Variants in RUNX3 observed in about 807,000 individuals in gnomAD.
RUNX3 encodes the protein RUNX family transcription factor 3, also known as runt-related transcription factor 3.
A neutral mutation model predicts 27.7 loss-of-function variants in RUNX3; 10 were observed. The ratio of observed to expected loss-of-function variants is 0.36; its 90% confidence interval spans 0.22 to 0.61. The LOEUF (loss-of-function observed/expected upper bound fraction) is 0.61. Among genes scored for constraint, RUNX3 ranks in the 20% least tolerant of loss-of-function variants. The pLI, the probability that RUNX3 is intolerant of heterozygous loss-of-function variation, is 0.72. For missense variants in RUNX3, 469 were observed against 629.5 expected, an observed-to-expected ratio of 0.75 and a Z score of 2.73; for synonymous variants, 270 against 269.2, an observed-to-expected ratio of 1.00 and a Z score of -0.03.
At chr1:24,925,159 T>C (rs1479958514) in intron 2 of RUNX3, among the ~76,000 whole-genome samples, 5 of 152,214 alleles carry the variant, frequency 3.3e-5, no homozygotes, top group African/African-American at 1.2e-4. Context: ...AGATTGTCAC[T>C]GTCAACCACT....
chr1:24,941,548 A>C (rs1207718116), intron 2 of RUNX3, among the ~76,000 whole-genome samples: 1 of 152,230 alleles, frequency 6.6e-6, no homozygotes, highest in African/African-American at 2.4e-5. Context: ...ACCCTAGGTG[A>C]GTATCAGAGC....
chr1:24,936,478 G>C lies in RUNX3; in HGVS notation c.59-6626C>G, dbSNP rs902770934. ...GAATTAGAATCCTGGCAGAAGAACT[G>C]TGGGCAGGATTCGGAATTTTACAAT... On this transcript the variant is annotated intron_variant, in intron 2 of 6. Transcript: ENST00000338888. Among the ~76,000 whole-genome samples the C allele has an allele frequency of 6.0e-4, 92 of 152,320 alleles. 2 individuals are homozygous for C. Among genetic ancestry groups the C allele is most frequent in the Non-Finnish European group, 4.4e-5 (3 of 68,034 alleles).
Position 24,902,988 on chromosome 1 carries a change from T to G in RUNX3, c.704-322A>C, listed in dbSNP as rs1640592836. Reference sequence around the variant, plus strand: ...AGCCTCGCAGAGGAGAGGCCTAGGATGCGGTGGTGGGGCTGAGGGCAGAGT... The same window carrying G: ...AGCCTCGCAGAGGAGAGGCCTAGGAGGCGGTGGTGGGGCTGAGGGCAGAGT... On this transcript the variant is annotated intron_variant, in intron 4 of 4. Coordinates refer to ENST00000308873, the MANE Select transcript of RUNX3 (RefSeq NM_004350.3). This position sits in a 1 kb window ranked among gnomAD's most constrained non-coding sequence, Gnocchi z 9.2. Among the ~76,000 whole-genome samples, 1 of 152,142 alleles carries G rather than the reference T, an allele frequency of 6.6e-6. No individual in the cohort carries two copies. Among genetic ancestry groups the G allele is most frequent in the Non-Finnish European group, 1.5e-5 (1 of 68,002 alleles).
At chr1:24,946,737 G>A (rs1022964624) in intron 2 of RUNX3, among the ~76,000 whole-genome samples, 1 of 152,062 alleles carries the variant, frequency 6.6e-6, no homozygotes, top group Non-Finnish European at 1.5e-5. Flanking sequence ...TATAGACACT[G>A]AGAGGCTCCG....
At position 24,942,911 on chromosome 1, in the gene RUNX3, AG is replaced by A. The variant is rs1245543838; in HGVS notation, c.59-13060del. On this transcript the variant is annotated intron_variant, in intron 2 of 6. Coordinates refer to the RUNX3 transcript ENST00000338888. Reference sequence around the variant, plus strand: ...GTTATTCAACCACCCCAGTCCAGGCAGGCTGCAGCCACTGTGGAGCCAGCCC... The same window carrying A: ...GTTATTCAACCACCCCAGTCCAGGCAGCTGCAGCCACTGTGGAGCCAGCCC... Among the ~76,000 whole-genome samples the A allele has an allele frequency of 2.6e-5, 4 of 152,360 alleles. No individual in the cohort carries two copies. The East Asian group carries it at 7.7e-4, about 29-fold the overall frequency.
At chr1:24,909,915 A>G (rs1211537254) in intron 3 of RUNX3, among the ~76,000 whole-genome samples, 2 of 152,228 alleles carry the variant, frequency 1.3e-5, no homozygotes, top group African/African-American at 2.4e-5. Flanking sequence ...GAGAACTGCA[A>G]CTGCGGAGAG....
At chr1:24,917,146 G>A (rs998712356) in intron 3 of RUNX3, among the ~76,000 whole-genome samples, 12 of 152,266 alleles carry the variant, frequency 7.9e-5, no homozygotes, top group Middle Eastern at 3.4e-3. Flanking sequence ...CCCACCAAGC[G>A]TCAAGACCCC....
chr1:24,931,825 G>T (rs540296236), upstream of RUNX3, among the ~76,000 whole-genome samples: 274 of 152,322 alleles, frequency 1.8e-3, 2 homozygotes, highest in African/African-American at 6.5e-3. Context: ...CCCTCAGGCC[G>T]TGTCGAAAGG....
chr1:24,945,344 T>C (rs1641580203), intron 2 of RUNX3, among the ~76,000 whole-genome samples: 1 of 152,240 alleles, frequency 6.6e-6, no homozygotes, highest in Non-Finnish European at 1.5e-5. Flanking sequence ...AAATGTCTGT[T>C]GAATGAGTGA....
chr1:24,926,550 C>T (rs1017678440), intron 2 of RUNX3, among the ~76,000 whole-genome samples: 1 of 152,202 alleles, frequency 6.6e-6, no homozygotes. Flanking sequence ...TGTATGTATA[C>T]ATCGAACGGC....
chr1:24,964,658 T>C, exon 2 of RUNX3: 6 of 1,508,832 alleles, frequency 4.0e-6, no homozygotes, highest in Non-Finnish European at 4.5e-6. Flanking sequence ...TATTTTTTTT[T>C]CCTCTAGCTA....
chr1:24,926,100 C>T (rs1641094495), intron 2 of RUNX3, among the ~76,000 whole-genome samples: 1 of 152,170 alleles, frequency 6.6e-6, no homozygotes, highest in Admixed American at 6.5e-5. Context: ...CACCTTCTGC[C>T]CGCCTCGCAA....
At chr1:24,951,573 C>A (rs1641767402) in intron 2 of RUNX3, among the ~76,000 whole-genome samples, 3 of 152,208 alleles carry the variant, frequency 2.0e-5, no homozygotes, top group Non-Finnish European at 4.4e-5. Flanking sequence ...TCCCTTCACC[C>A]CTTGAGTCGC....
chr1:24,946,152 G>A (rs1641600545), intron 2 of RUNX3, among the ~76,000 whole-genome samples: 1 of 152,086 alleles, frequency 6.6e-6, no homozygotes, highest in Non-Finnish European at 1.5e-5. Context: ...TATAAAAGGG[G>A]AAGAACAATC....
chr1:24,930,312 G>T, upstream of RUNX3: 1 of 791,528 alleles, frequency 1.3e-6, no homozygotes. This position sits in a 1 kb window ranked among gnomAD's most constrained non-coding sequence, Gnocchi z 4.1. Flanking sequence ...TAGTACCCCC[G>T]GGGCCCGCGG....
At chr1:24,911,269 G>A (rs1640791035) in intron 3 of RUNX3, among the ~76,000 whole-genome samples, 1 of 152,238 alleles carries the variant, frequency 6.6e-6, no homozygotes, top group South Asian at 2.1e-4. Context: ...CAATAGGGCT[G>A]GTGCAAAACC....
intron 2 of RUNX3, among the ~76,000 whole-genome samples, chr1:24,937,109 T>C (rs1641365618): frequency 6.6e-6 from 1 of 152,134 alleles, no homozygotes; most frequent in Non-Finnish European, 1.5e-5. Context: ...CCAGCTGCAA[T>C]CCTGGGGAGA....
rs935659880 is a variant in RUNX3 at position 24,914,136 on chromosome 1, G to A, written c.544+5104C>T. 4.6e-5 allele frequency among the ~76,000 whole-genome samples: 7 copies of A among 152,374 alleles called. No individual in the cohort carries two copies. In the East Asian group the frequency reaches 1.3e-3, roughly 29 times the overall value. ...GCTTCCCAAGACCTCCATGAGAGAA[G>A]AGCTGGGTCACCTGGCCGTAAGGTC... On this transcript the variant is annotated intron_variant, in intron 3 of 4. Coordinates refer to ENST00000308873, the MANE Select transcript of RUNX3 (RefSeq NM_004350.3).
intron 2 of RUNX3, among the ~76,000 whole-genome samples, chr1:24,953,184 G>A (rs1364373316): frequency 6.6e-6 from 1 of 151,896 alleles, no homozygotes; most frequent in African/African-American, 2.4e-5. Context: ...GGCTAACACA[G>A]TGAAACCCCG....
Sources: gnomAD v4.1 joint callset for allele counts (sites outside exome capture counted in the v4.1 genomes callset) on GRCh38, gnomAD v4.1.1 for gene constraint, Gnocchi (gnomAD v3.1) non-coding constraint, MANE v1.5 for transcripts, NCBI Gene and HGNC (gene_info 2026-07-23, HGNC 2026-07-21) for gene names.